The following GLIPR1L1 variants were observed in gnomAD, a reference collection of about 807,000 sequenced individuals.
GLIPR1L1 encodes the protein GLIPR1-like protein 1.
GLIPR1L1 carries 26 observed loss-of-function variants against 29.9 expected under a neutral mutation model. The observed-to-expected ratio is 0.87, with a 90% confidence interval of 0.64 to 1.21. The LOEUF (loss-of-function observed/expected upper bound fraction) is 1.21. GLIPR1L1 is among the 50% of genes most tolerant of loss of function. GLIPR1L1 has a pLI of 0.00. For synonymous variants in GLIPR1L1, 77 were observed against 97.5 expected, an observed-to-expected ratio of 0.79 and a Z score of 1.24; for missense variants, 305 against 290.3, an observed-to-expected ratio of 1.05 and a Z score of -0.37.
intron 2 of GLIPR1L1, 84 bp downstream of exon 2, chr12:75,344,022 CTTTA>C: frequency 8.8e-7 from 1 of 1,138,116 alleles, no homozygotes; most frequent in East Asian, 2.4e-5. Flanking sequence ...TGTAAAGTGC[CTTTA>C]TTTTTCTGGC....
chr12:75,353,255 T>C (rs906598160), intron 3 of GLIPR1L1, among the ~76,000 whole-genome samples: 6 of 151,658 alleles, frequency 4.0e-5, no homozygotes, highest in Admixed American at 6.6e-5. Flanking sequence ...ACTAACTAAA[T>C]AGAATAATAA....
intron 3 of GLIPR1L1, among the ~76,000 whole-genome samples, chr12:75,361,794 C>T (rs1367731706): frequency 6.6e-6 from 1 of 152,098 alleles, no homozygotes; most frequent in African/African-American, 2.4e-5. Context: ...AATCCAATCA[C>T]CTCCCTCCCT....
chr12:75,343,041 A>G (rs1028872984), intron 1 of GLIPR1L1, among the ~76,000 whole-genome samples: 1 of 151,844 alleles, frequency 6.6e-6, no homozygotes, highest in Non-Finnish European at 1.5e-5. Context: ...ATTAATTTAA[A>G]TTTTTATGTA....
chr12:75,363,134 G>C lies in GLIPR1L1; in HGVS notation c.554G>C (p.Arg185Thr). Residue 185 changes from arginine to threonine, a missense_variant, in exon 4 of 6, where the codon AGA (arginine) becomes ACA (threonine). By Grantham distance (71) the Arg-to-Thr change is moderately conservative. Coordinates refer to ENST00000378695, the MANE Select transcript of GLIPR1L1 (RefSeq NM_001304964.2). Reference sequence around the variant, plus strand: ...TTTGCAAATATGCCTCCTTACGTAAGAGGAGAATCTTGCTCTCTCTGCTCA... The same window carrying C: ...TTTGCAAATATGCCTCCTTACGTAACAGGAGAATCTTGCTCTCTCTGCTCA... ...GNFANMPPYV[R>T]GESCSLCSKE... 1 of 1,560,964 alleles carries C rather than the reference G, an allele frequency of 6.4e-7. No individual in the cohort carries two copies. Among genetic ancestry groups the C allele is most frequent in the Non-Finnish European group, 8.6e-7 (1 of 1,160,690 alleles).
At chr12:75,364,810 T>C (rs1166831191) in intron 4 of GLIPR1L1, 3 of 152,176 alleles carry the variant, frequency 2.0e-5, no homozygotes, top group African/African-American at 7.2e-5. Context: ...AGGTGTCTGA[T>C]AAAAATTTTT....
chr12:75,345,138 G>A (rs1205848363), intron 2 of GLIPR1L1, among the ~76,000 whole-genome samples: 1 of 151,978 alleles, frequency 6.6e-6, no homozygotes, highest in Non-Finnish European at 1.5e-5. Context: ...CTAAACTTCT[G>A]TGTCCATGGT....
intron 2 of GLIPR1L1, among the ~76,000 whole-genome samples, chr12:75,345,311 T>A (rs971918844): frequency 3.9e-5 from 6 of 152,156 alleles, no homozygotes; most frequent in Non-Finnish European, 4.4e-5. Flanking sequence ...TGTTGCCTAA[T>A]GTCTTGAAAA....
intron 3 of GLIPR1L1, among the ~76,000 whole-genome samples, chr12:75,361,931 T>G (rs1463158120): frequency 2.0e-5 from 3 of 151,948 alleles, no homozygotes; most frequent in African/African-American, 7.3e-5. Context: ...TATAAAAACT[T>G]TAGAAGAAAA....
intron 1 of GLIPR1L1, among the ~76,000 whole-genome samples, chr12:75,337,351 T>C (rs1231577987): frequency 6.6e-6 from 1 of 151,320 alleles, no homozygotes; most frequent in Non-Finnish European, 1.5e-5. Flanking sequence ...AAACCAGTAG[T>C]AAAAAAAAGA....
chr12:75,336,122 T>G (rs1464696594), intron 1 of GLIPR1L1, among the ~76,000 whole-genome samples: 1 of 151,978 alleles, frequency 6.6e-6, no homozygotes, highest in Non-Finnish European at 1.5e-5. Context: ...TTCCTTATAT[T>G]GTTAAGAATC....
At chr12:75,340,638 G>T (rs1171080352) in intron 1 of GLIPR1L1, among the ~76,000 whole-genome samples, 2 of 151,504 alleles carry the variant, frequency 1.3e-5, no homozygotes, top group African/African-American at 2.4e-5. Context: ...TTAGGAAGAT[G>T]AGAGGACAAA....
chr12:75,366,831 A>G lies in GLIPR1L1; in HGVS notation c.611-3129A>G. 4.3e-6 allele frequency: 3 copies of G among 699,524 alleles called. No individual in the cohort carries two copies. The East Asian group carries it at 8.1e-5, about 19-fold the overall frequency. 43.3% of individuals were successfully genotyped at this position (699,524 alleles called of 1,614,324 possible). A position where few individuals can be genotyped will look rare whatever the true frequency, so the allele number is the denominator to read the frequency against. On this transcript the variant is annotated intron_variant, in intron 4 of 5. Transcript: ENST00000378695. ...CTGAGAGGGCTAAAAATGCCAAGTG[A>G]ACAGCTCTATATGCATTTCTTGAAT...
rs749513253 is a variant in GLIPR1L1, at chr12:75,370,190, C to T, written c.*14C>T. On this transcript the variant is annotated 3_prime_UTR_variant, in exon 6 of 6. Coordinates refer to ENST00000378695, the MANE Select transcript of GLIPR1L1 (RefSeq NM_001304964.2). Reference sequence around the variant, plus strand: ...AGAATCTTTTAATGTCATTTATATACAAAAGAAATTCTCAAATGTTAAAAT... The same window carrying T: ...AGAATCTTTTAATGTCATTTATATATAAAAGAAATTCTCAAATGTTAAAAT... 4 of 1,236,310 alleles carry T rather than the reference C, an allele frequency of 3.2e-6. No individual in the cohort carries two copies. The highest frequency in any genetic ancestry group is 2.3e-5 in the East Asian group (1 of 43,084). The allele number at this position is 1,236,310 out of a possible 1,614,324, so 76.6% of individuals were successfully genotyped here.
At chr12:75,359,355 G>GTTTTTT (rs1463566931) in intron 3 of GLIPR1L1, among the ~76,000 whole-genome samples, 4 of 46,432 alleles carry the variant, frequency 8.6e-5, no homozygotes, top group South Asian at 7.2e-4. Flanking sequence ...CAGCATTGTT[G>GTTTTTT]TCTTTTTTTT....
chr12:75,352,362 G>A (rs1282479112), intron 3 of GLIPR1L1, among the ~76,000 whole-genome samples: 2 of 152,162 alleles, frequency 1.3e-5, no homozygotes, highest in African/African-American at 4.8e-5. Context: ...CCTAGTTTCT[G>A]ATAAAACAAA....
intron 3 of GLIPR1L1, among the ~76,000 whole-genome samples, chr12:75,356,910 T>C (rs761321774): frequency 4.6e-5 from 7 of 152,090 alleles, no homozygotes; most frequent in Non-Finnish European, 2.9e-5. Context: ...GCTACAGTGC[T>C]AGGCACAACA....
At chr12:75,362,714 C>T (rs529463181) in intron 3 of GLIPR1L1, among the ~76,000 whole-genome samples, 13 of 152,206 alleles carry the variant, frequency 8.5e-5, no homozygotes, top group South Asian at 4.1e-4. Flanking sequence ...TAGATAAGGA[C>T]TATGATATTA....
At chr12:75,362,763 ATACT>A (rs1256825027) in intron 3 of GLIPR1L1, among the ~76,000 whole-genome samples, 1 of 152,162 alleles carries the variant, frequency 6.6e-6, no homozygotes, top group Non-Finnish European at 1.5e-5. Flanking sequence ...GTTTATGTTC[ATACT>A]TAAATATTAC....
In GLIPR1L1 at chr12:75,343,759, G is replaced by A. The variant is rs374086216; in HGVS notation, c.241G>A (p.Asp81Asn). The A allele has an allele frequency of 5.6e-6, 9 of 1,612,390 alleles. No individual in the cohort carries two copies. In the African/African-American group the frequency reaches 1.1e-4, roughly 19 times the overall value. Residue 81 changes from aspartate to asparagine, a missense_variant, in exon 2 of 6, where the codon GAC (aspartate) becomes AAC (asparagine). Physicochemically the swap from Asp to Asn is conservative, Grantham distance 23. Coordinates refer to ENST00000378695, the MANE Select transcript of GLIPR1L1 (RefSeq NM_001304964.2). ...WANQCKFEHN[D>N]CLDKSYKCYA... ...AAACCAGTGCAAATTTGAACATAAT[G>A]ACTGTTTGGATAAATCATATAAATG...
Sources: allele counts gnomAD v4.1 joint callset (sites outside exome capture counted in the v4.1 genomes callset), GRCh38; gene constraint gnomAD v4.1.1; transcripts MANE v1.5; gene names NCBI Gene and HGNC (gene_info 2026-07-23, HGNC 2026-07-21).